AUTS2: variants seen among roughly 807,000 people sequenced by gnomAD.
AUTS2 encodes activator of transcription and developmental regulator AUTS2, also known as autism susceptibility gene 2 protein.
AUTS2 carries 17 observed loss-of-function variants against 112.4 expected under a neutral mutation model. The observed-to-expected ratio is 0.15, with a 90% confidence interval of 0.10 to 0.23. The LOEUF is 0.23. Among genes scored for constraint, AUTS2 ranks in the 10% least tolerant of loss-of-function variants. AUTS2 has a pLI of 1.00. For synonymous variants in AUTS2, 751 were observed against 702.7 expected (o/e 1.07, Z -1.09); for missense variants, 1,510 against 1,701.6 (o/e 0.89, Z 1.98).
Position 70,680,246 on chromosome 7 carries a change from A to G in AUTS2, c.691-18323A>G, listed in dbSNP as rs566076174. Among the ~76,000 whole-genome samples the G allele has an allele frequency of 1.0e-3, 152 of 152,338 alleles. 1 individual carries two copies. Among genetic ancestry groups the G allele is most frequent in the East Asian group, 7.7e-4 (4 of 5,180 alleles). On this transcript the variant is annotated intron_variant, in intron 5 of 18. Coordinates refer to ENST00000342771, the MANE Select transcript of AUTS2 (RefSeq NM_015570.4). ...AGCACAGAGACTATTCTCTGTTTATACATTAGGTACCAGATCATAAAGAAT... is the reference window on the plus strand; with the variant it reads ...AGCACAGAGACTATTCTCTGTTTATGCATTAGGTACCAGATCATAAAGAAT...
At chr7:70,559,040 G>A (rs1385125304) in intron 5 of AUTS2, among the ~76,000 whole-genome samples, 1 of 152,306 alleles carries the variant, frequency 6.6e-6, no homozygotes. Flanking sequence ...AATCACAGGG[G>A]TGGGTCTTTC....
chr7:69,731,826 A>G (rs1786807546), intron 1 of AUTS2, among the ~76,000 whole-genome samples: 2 of 152,224 alleles, frequency 1.3e-5, no homozygotes, highest in Admixed American at 1.3e-4. Context: ...TCACTGGAAC[A>G]GAGTCAGGAG....
chr7:70,027,117 G>A (rs769543524), intron 2 of AUTS2, among the ~76,000 whole-genome samples: 1 of 152,052 alleles, frequency 6.6e-6, no homozygotes, highest in Non-Finnish European at 1.5e-5. Context: ...GGTATGCTCG[G>A]CTAAGGTCAG....
intron 5 of AUTS2, among the ~76,000 whole-genome samples, chr7:70,626,442 G>A (rs997029059): frequency 6.7e-6 from 1 of 149,956 alleles, no homozygotes; most frequent in Non-Finnish European, 1.5e-5. Context: ...CCTACCACAG[G>A]AAAAAAATAA....
intron 4 of AUTS2, among the ~76,000 whole-genome samples, chr7:70,251,492 C>T (rs1181641066): frequency 1.3e-5 from 2 of 152,124 alleles, no homozygotes; most frequent in Non-Finnish European, 2.9e-5. Flanking sequence ...CTTCTTGTAT[C>T]TTTGGATTGA....
At chr7:70,349,212 T>C (rs948468131) in intron 4 of AUTS2, among the ~76,000 whole-genome samples, 2 of 152,150 alleles carry the variant, frequency 1.3e-5, no homozygotes, top group Non-Finnish European at 2.9e-5. Context: ...ACACTCCTCT[T>C]CCTGGGTCTA....
At chr7:70,146,546 A>G (rs2129575815) in intron 4 of AUTS2, among the ~76,000 whole-genome samples, 1 of 152,184 alleles carries the variant, frequency 6.6e-6, no homozygotes, top group East Asian at 1.9e-4. Context: ...TTACTTACAT[A>G]TTTTTATTTT....
intron 2 of AUTS2, among the ~76,000 whole-genome samples, chr7:70,012,240 T>A (rs1158713350): frequency 6.6e-6 from 1 of 152,128 alleles, no homozygotes; most frequent in African/African-American, 2.4e-5. Flanking sequence ...ACAAGCAGGA[T>A]TGGCTGGAGG....
At chr7:70,310,399 A>T (rs999752204) in intron 4 of AUTS2, among the ~76,000 whole-genome samples, 1 of 152,120 alleles carries the variant, frequency 6.6e-6, no homozygotes, top group Non-Finnish European at 1.5e-5. Flanking sequence ...TCATGAGGTC[A>T]GGAAATCGCG....
intron 2 of AUTS2, among the ~76,000 whole-genome samples, chr7:70,025,922 A>G (rs1339929167): frequency 6.6e-6 from 1 of 152,034 alleles, no homozygotes; most frequent in African/African-American, 2.4e-5. Flanking sequence ...TTCAAAGTGT[A>G]CAACTAAAAG....
chr7:70,092,071 T>TTAGGAGGTA, intron 2 of AUTS2, among the ~76,000 whole-genome samples: 1 of 62,568 alleles, frequency 1.6e-5, no homozygotes, highest in African/African-American at 8.7e-5. Flanking sequence ...GGTCTGTGAC[T>TTAGGAGGTA]CCTAAGTATT....
chr7:70,430,280 A>T (rs1406882756), intron 4 of AUTS2, among the ~76,000 whole-genome samples: 1 of 152,148 alleles, frequency 6.6e-6, no homozygotes, highest in East Asian at 1.9e-4. Flanking sequence ...GTGAGCAAAG[A>T]TGTTGAGTCC....
intron 1 of AUTS2, among the ~76,000 whole-genome samples, chr7:69,636,727 A>C (rs917176748): frequency 6.6e-6 from 1 of 151,872 alleles, no homozygotes; most frequent in Middle Eastern, 3.2e-3. Flanking sequence ...TTTCCTACTT[A>C]ATAAGATGGA....
intron 5 of AUTS2, among the ~76,000 whole-genome samples, chr7:70,634,944 G>A (rs930522042): frequency 6.6e-6 from 1 of 152,114 alleles, no homozygotes; most frequent in African/African-American, 2.4e-5. Flanking sequence ...TTGGTTGCTG[G>A]TCTCCTGCTG....
At chr7:69,923,104 A>G (rs1795877706) in intron 2 of AUTS2, among the ~76,000 whole-genome samples, 1 of 152,194 alleles carries the variant, frequency 6.6e-6, no homozygotes, top group South Asian at 2.1e-4. Flanking sequence ...TTCTTTTCCA[A>G]AAGGTATACT....
intron 6 of AUTS2, among the ~76,000 whole-genome samples, chr7:70,710,655 T>A (rs574416471): frequency 6.6e-6 from 1 of 152,306 alleles, no homozygotes; most frequent in African/African-American, 2.4e-5. Context: ...ATGAATGGAT[T>A]TAAGGAGGGA....
intron 4 of AUTS2, among the ~76,000 whole-genome samples, chr7:70,240,266 G>T (rs746395813): frequency 6.6e-6 from 1 of 152,182 alleles, no homozygotes; most frequent in Non-Finnish European, 1.5e-5. Flanking sequence ...TAGTAGCTTT[G>T]ACTTTGATGT....
At chr7:69,869,256 A>G (rs575510078) in intron 1 of AUTS2, among the ~76,000 whole-genome samples, 1 of 152,200 alleles carries the variant, frequency 6.6e-6, no homozygotes, top group South Asian at 2.1e-4. Flanking sequence ...CATTTTGTGA[A>G]TACTGGATGA....
At chr7:70,515,088 A>G (rs1799362139) in intron 5 of AUTS2, among the ~76,000 whole-genome samples, 1 of 151,630 alleles carries the variant, frequency 6.6e-6, no homozygotes, top group African/African-American at 2.4e-5. Flanking sequence ...TAAGTAACAG[A>G]AGATATAACC....
Sources: gnomAD v4.1 joint callset for allele counts (sites outside exome capture counted in the v4.1 genomes callset) on GRCh38, gnomAD v4.1.1 for gene constraint, MANE v1.5 for transcripts, NCBI Gene and HGNC (gene_info 2026-07-23, HGNC 2026-07-21) for gene names.